Variants in CATSPER3 observed in about 807,000 individuals in gnomAD.
CATSPER3 encodes the protein cation channel sperm-associated protein 3.
Under a neutral mutation model 36.6 loss-of-function variants are expected in CATSPER3, and 23 were observed. The ratio of observed to expected loss-of-function variants is 0.63; its 90% confidence interval spans 0.45 to 0.89. The LOEUF (loss-of-function observed/expected upper bound fraction) is 0.89. CATSPER3 is among the 40% of genes least tolerant of loss of function. The pLI is 0.00. For synonymous variants in CATSPER3, 172 were observed against 184.1 expected, an observed-to-expected ratio of 0.93 and a Z score of 0.53; for missense variants, 474 against 503.9, an observed-to-expected ratio of 0.94 and a Z score of 0.57.
intron 3 of CATSPER3, among the ~76,000 whole-genome samples, chr5:135,005,569 T>C (rs17167763): frequency 0.12 from 18,084 of 152,222 alleles, 3,456 homozygotes; most frequent in African/African-American, 0.41. Flanking sequence ...TCGGGACTTG[T>C]ACCTCTGGGC....
At chr5:134,977,749 G>A (rs1751691063) in intron 2 of CATSPER3, among the ~76,000 whole-genome samples, 1 of 152,170 alleles carries the variant, frequency 6.6e-6, no homozygotes, top group South Asian at 2.1e-4. Context: ...AAATACCTGA[G>A]GCTGAGTAAT....
At chr5:134,998,250 C>T (rs1233292322) in intron 3 of CATSPER3, among the ~76,000 whole-genome samples, 2 of 152,218 alleles carry the variant, frequency 1.3e-5, no homozygotes, top group Admixed American at 6.5e-5. Context: ...GACATGAACT[C>T]ATCCTTTTTT....
chr5:135,002,029 CGTTA>C (rs1752026443), intron 3 of CATSPER3, among the ~76,000 whole-genome samples: 1 of 152,062 alleles, frequency 6.6e-6, no homozygotes, highest in Non-Finnish European at 1.5e-5. Context: ...TTATTTTGCT[CGTTA>C]GTTGATGCAG....
At chr5:135,009,241 G>A in intron 5 of CATSPER3, 130 bp from the exon 6 acceptor site, 1 of 1,056,910 alleles carries the variant, frequency 9.5e-7, no homozygotes, top group Non-Finnish European at 1.5e-6. Flanking sequence ...TTGAGTGGCG[G>A]CTGGCCCTGT....
At chr5:135,009,213 G>A (rs953397275) in intron 5 of CATSPER3, among the ~76,000 whole-genome samples, 158 bp from the exon 6 acceptor site, 21 of 152,210 alleles carry the variant, frequency 1.4e-4, no homozygotes, top group Non-Finnish European at 2.1e-4. Flanking sequence ...AGAAGCCTCT[G>A]CAGCTACAGT....
At chr5:134,978,194 G>T (rs10074677) in intron 2 of CATSPER3, among the ~76,000 whole-genome samples, 5,995 of 152,168 alleles carry the variant, frequency 0.039, 390 homozygotes, top group African/African-American at 0.13. Context: ...GGTTAATGAG[G>T]TACAAAGTTA....
chr5:134,972,117 A>G (rs561357613), intron 2 of CATSPER3, among the ~76,000 whole-genome samples: 2 of 152,368 alleles, frequency 1.3e-5, no homozygotes, highest in East Asian at 1.9e-4. Flanking sequence ...AGCATCCCGA[A>G]TTTGAAAATC....
chr5:134,995,492 T>G (rs1275319907), intron 2 of CATSPER3: 4 of 152,394 alleles, frequency 2.6e-5, no homozygotes, highest in African/African-American at 9.6e-5. Flanking sequence ...TTATTTTCCT[T>G]CCTGCCTGAC....
At chr5:135,001,908 CTT>C (rs1752024370) in intron 3 of CATSPER3, among the ~76,000 whole-genome samples, 1 of 152,180 alleles carries the variant, frequency 6.6e-6, no homozygotes, top group African/African-American at 2.4e-5. Flanking sequence ...GGTCTTGACT[CTT>C]TATCCAATTT....
chr5:134,979,114 T>C (rs1002605331), intron 2 of CATSPER3, among the ~76,000 whole-genome samples: 7 of 152,048 alleles, frequency 4.6e-5, no homozygotes, highest in African/African-American at 1.7e-4. Context: ...TGTAGAACCC[T>C]GGTCCTTGGT....
At chr5:134,979,436 T>G (rs377017237) in intron 2 of CATSPER3, among the ~76,000 whole-genome samples, 2 of 152,310 alleles carry the variant, frequency 1.3e-5, no homozygotes, top group South Asian at 4.1e-4. Context: ...CAGACCTTGT[T>G]CTTAAAGAAT....
chr5:135,011,608 G>T lies in CATSPER3; in HGVS notation c.1182G>T (p.Lys394Asn). ...AGGAGAAGCCCCAGTCCTTGGAAAA[G>T]GTGGATGAGAAGTAGCTGGGCATGG... is the stretch of plus-strand genomic sequence containing the variant. ...LPQEKPQSLE[K>N]VDEK Residue 394 changes from lysine to asparagine, a missense_variant, in exon 8 of 8, where the codon AAG becomes AAT. By Grantham distance (94) the Lys-to-Asn change is moderately conservative. Transcript: ENST00000282611. The T allele has an allele frequency of 5.0e-6, 8 of 1,613,638 alleles. No homozygotes were observed. The highest frequency in any genetic ancestry group is 1.3e-5 in the African/African-American group (1 of 75,050).
At chr5:134,973,242 G>T (rs1325915614) in intron 2 of CATSPER3, among the ~76,000 whole-genome samples, 1 of 152,178 alleles carries the variant, frequency 6.6e-6, no homozygotes. Flanking sequence ...TTGTGGTTTA[G>T]CAGAGAGAAT....
At chr5:134,982,705 G>A (rs530269853) in intron 2 of CATSPER3, among the ~76,000 whole-genome samples, 1 of 152,294 alleles carries the variant, frequency 6.6e-6, no homozygotes, top group South Asian at 2.1e-4. Flanking sequence ...AAGTTGTTTT[G>A]TAGGTGGAAA....
At chr5:134,985,026 C>A (rs572546233) in intron 2 of CATSPER3, among the ~76,000 whole-genome samples, 3 of 152,236 alleles carry the variant, frequency 2.0e-5, no homozygotes, top group East Asian at 1.9e-4. Flanking sequence ...GCCATGTTGG[C>A]CAGGCTGGTC....
chr5:135,010,110 G>A (rs959569770), intron 6 of CATSPER3, among the ~76,000 whole-genome samples: 11 of 152,246 alleles, frequency 7.2e-5, no homozygotes, highest in East Asian at 5.8e-4. Context: ...TGTCTTCACC[G>A]TGCCCAAGGT....
chr5:134,978,723 C>CTT (rs751795550), intron 2 of CATSPER3, among the ~76,000 whole-genome samples: 1 of 142,142 alleles, frequency 7.0e-6, no homozygotes, highest in African/African-American at 2.6e-5. Context: ...GTTATATTTT[C>CTT]TTTTTTTTTT....
rs1477241158 is a variant in CATSPER3, at chr5:135,011,610, T to C, written c.1184T>C (p.Val395Ala). The C allele has an allele frequency of 6.2e-7, 1 of 1,613,388 alleles. No individual in the cohort carries two copies. Among genetic ancestry groups the C allele is most frequent in the Non-Finnish European group, 8.5e-7 (1 of 1,179,490 alleles). Residue 395 changes from valine (V) to alanine (A), a missense_variant, in exon 8 of 8, where the codon GTG becomes GCG. By Grantham distance (64) the Val-to-Ala change is moderately conservative. Transcript: ENST00000282611. ...PQEKPQSLEK[V>A]DEK ...GAGAAGCCCCAGTCCTTGGAAAAGG[T>C]GGATGAGAAGTAGCTGGGCATGGGG...
chr5:134,982,196 T>G lies in CATSPER3; in HGVS notation c.252+12104T>G, dbSNP rs1561459107. On this transcript the variant is annotated intron_variant, in intron 2 of 7. Coordinates refer to ENST00000282611, the MANE Select transcript of CATSPER3 (RefSeq NM_178019.3). ...AATGATGATAAATGAACAGAGCCTA[T>G]GAGAACTGTGGGACACCATAAAACA... Among the ~76,000 whole-genome samples the G allele has an allele frequency of 2.6e-5, 4 of 152,198 alleles. No homozygotes were observed. The South Asian group carries it at 8.3e-4, about 32-fold the overall frequency.
Sources: allele counts gnomAD v4.1 joint callset (sites outside exome capture counted in the v4.1 genomes callset), GRCh38; gene constraint gnomAD v4.1.1; transcripts MANE v1.5; gene names NCBI Gene and HGNC (gene_info 2026-07-23, HGNC 2026-07-21).